GRIA4: variants seen among roughly 807,000 people sequenced by gnomAD.
The protein encoded by GRIA4 is glutamate ionotropic receptor AMPA type subunit 4, also known as glutamate receptor 4.
Under a neutral mutation model 104.0 loss-of-function variants are expected in GRIA4, and 34 were observed. The observed-to-expected ratio is 0.33, with a 90% CI of 0.25 to 0.44. The LOEUF (loss-of-function observed/expected upper bound fraction) is 0.44, where lower values mean the gene tolerates loss of function less well. Ranked by LOEUF, GRIA4 falls within the 20% of genes least tolerant of loss-of-function variation. The pLI, the probability that GRIA4 is intolerant of heterozygous loss-of-function variation, is 1.00. For missense variants in GRIA4, 750 were observed against 1,096.5 expected (o/e 0.68, Z 4.46); for synonymous variants, 386 against 381.9 (o/e 1.01, Z -0.13).
chr11:105,929,668 C>G (rs1212285864), intron 13 of GRIA4, among the ~76,000 whole-genome samples: 3 of 152,034 alleles, frequency 2.0e-5, no homozygotes, highest in Non-Finnish European at 4.4e-5. Context: ...TATGATATTA[C>G]CAAATAATGC....
At chr11:105,780,975 C>G (rs1941702714) in intron 4 of GRIA4, among the ~76,000 whole-genome samples, 1 of 152,162 alleles carries the variant, frequency 6.6e-6, no homozygotes, top group South Asian at 2.1e-4. Flanking sequence ...CATTCAACCT[C>G]TAGCTCATGT....
intron 16 of GRIA4, 109 bp from the exon 17 acceptor site, chr11:105,979,466 C>A: frequency 4.2e-6 from 4 of 954,166 alleles, no homozygotes; most frequent in Non-Finnish European, 6.4e-6. Context: ...GGAAAAAATG[C>A]AGATGTCTAA....
chr11:105,869,615 CAT>C (rs1393052679), intron 5 of GRIA4, among the ~76,000 whole-genome samples: 1 of 152,060 alleles, frequency 6.6e-6, no homozygotes, highest in Non-Finnish European at 1.5e-5. Flanking sequence ...GGCAGCAAAA[CAT>C]TCAACAGTAC....
chr11:105,811,266 C>T (rs533689725), intron 4 of GRIA4, among the ~76,000 whole-genome samples: 2 of 152,256 alleles, frequency 1.3e-5, no homozygotes, highest in East Asian at 3.9e-4. Context: ...TTTCAGATGT[C>T]CTTCACCAGT....
intron 14 of GRIA4, among the ~76,000 whole-genome samples, chr11:105,964,461 G>A (rs2136270218): frequency 6.6e-6 from 1 of 152,192 alleles, no homozygotes; most frequent in Non-Finnish European, 1.5e-5. Context: ...GCTAATTAGT[G>A]GTAAAATATG....
chr11:105,779,877 A>T (rs1215481951), intron 4 of GRIA4, among the ~76,000 whole-genome samples: 1 of 151,944 alleles, frequency 6.6e-6, no homozygotes, highest in African/African-American at 2.4e-5. Context: ...TCTCACATAT[A>T]TAGATTATTA....
chr11:105,645,093 G>A (rs1438204807), intron 3 of GRIA4, among the ~76,000 whole-genome samples: 1 of 152,134 alleles, frequency 6.6e-6, no homozygotes, highest in Non-Finnish European at 1.5e-5. Flanking sequence ...TTCTATTTTG[G>A]TTTGCAGATG....
At chr11:105,757,668 A>G (rs1940392126) in intron 4 of GRIA4, among the ~76,000 whole-genome samples, 1 of 151,976 alleles carries the variant, frequency 6.6e-6, no homozygotes, top group Non-Finnish European at 1.5e-5. Flanking sequence ...ATCACTTACT[A>G]GCTTCTGGAC....
Position 105,653,609 on chromosome 11 carries a change from C to T in GRIA4, c.247+41175C>T, listed in dbSNP as rs1591507659. Among the ~76,000 whole-genome samples the T allele has an allele frequency of 3.3e-5, 5 of 152,096 alleles. No homozygotes were observed. In the East Asian group the frequency reaches 7.7e-4, roughly 23 times the overall value. On this transcript the variant is annotated intron_variant, in intron 3 of 16. Coordinates refer to ENST00000282499, the MANE Select transcript of GRIA4 (RefSeq NM_000829.4). Reference sequence around the variant, plus strand: ...CAAAAAGTTAAGCCTCAGATAAGGACGGACTGTTGTACTGGCCAACCAATA... The same window carrying T: ...CAAAAAGTTAAGCCTCAGATAAGGATGGACTGTTGTACTGGCCAACCAATA...
chr11:105,863,562 T>C (rs1056274925), intron 5 of GRIA4, among the ~76,000 whole-genome samples: 4 of 152,038 alleles, frequency 2.6e-5, no homozygotes, highest in African/African-American at 9.7e-5. Flanking sequence ...CCAAGAAAAA[T>C]CTTTCTTCTT....
intron 13 of GRIA4, among the ~76,000 whole-genome samples, chr11:105,928,625 G>A (rs1947786000): frequency 6.6e-6 from 1 of 151,908 alleles, no homozygotes; most frequent in South Asian, 2.1e-4. Flanking sequence ...ATACAAGTTT[G>A]TGCTATCATT....
intron 3 of GRIA4, among the ~76,000 whole-genome samples, chr11:105,669,607 C>T (rs1952295465): frequency 6.6e-6 from 1 of 152,024 alleles, no homozygotes; most frequent in African/African-American, 2.4e-5. Context: ...TGTTGTAATC[C>T]TCTATCACAC....
chr11:105,826,663 T>A (rs1000742201), intron 4 of GRIA4, among the ~76,000 whole-genome samples: 1 of 152,044 alleles, frequency 6.6e-6, no homozygotes, highest in Non-Finnish European at 1.5e-5. Flanking sequence ...TGATTTGGTT[T>A]CGGAAGTCAC....
In GRIA4 at chr11:105,979,981, G is replaced by A; in HGVS notation, c.*242G>A. Reference sequence around the variant, plus strand: ...AATTGAGGTTTTTTTCGGGGAGTGGGTGGGGGAGGGATCTGGGATGGGTGT... The same window carrying A: ...AATTGAGGTTTTTTTCGGGGAGTGGATGGGGGAGGGATCTGGGATGGGTGT... On this transcript the variant is annotated 3_prime_UTR_variant, in exon 17 of 17. Transcript: ENST00000282499. The A allele has an allele frequency of 2.5e-6, 1 of 401,650 alleles. No individual in the cohort carries two copies. Among genetic ancestry groups the A allele is most frequent in the Non-Finnish European group, 4.6e-6 (1 of 218,114 alleles). 24.9% of individuals were successfully genotyped at this position (401,650 alleles called of 1,614,324 possible). A position where few individuals can be genotyped will look rare whatever the true frequency, so the allele number is the denominator to read the frequency against.
chr11:105,918,874 G>C lies in GRIA4; in HGVS notation c.1432G>C (p.Asp478His). ...PDGKYGARDA[D>H]TKIWNGMVGE... is the part of the protein sequence containing the mutation. ...TGGAAAATATGGAGCAAGGGATGCA[G>C]ACACAAAAATCTGGAATGGGATGGT... Residue 478 changes from aspartate (D) to histidine (H), a missense_variant, in exon 11 of 17, where the codon GAC becomes CAC. Coordinates refer to ENST00000282499, the MANE Select transcript of GRIA4 (RefSeq NM_000829.4). 9 of 1,611,706 alleles carry C rather than the reference G, an allele frequency of 5.6e-6. No homozygotes were observed. Among genetic ancestry groups the C allele is most frequent in the African/African-American group, 1.3e-5 (1 of 74,974 alleles).
Position 105,895,069 on chromosome 11 carries a change from G to C in GRIA4, c.727-3200G>C, listed in dbSNP as rs1440816266. ...CCGCCTCGGCCTCCCAAAGTGCTGG[G>C]ATTACAGGCGTGAGCCACCGCGCCC... On this transcript the variant is annotated intron_variant, in intron 6 of 16. Transcript: ENST00000282499. Among the ~76,000 whole-genome samples the C allele has an allele frequency of 1.9e-5, 2 of 102,876 alleles. 1 individual carries two copies. The highest frequency in any genetic ancestry group is 4.2e-5 in the Non-Finnish European group (2 of 47,506). The allele number at this position is 102,876 out of a possible 152,430, so 67.5% of individuals were successfully genotyped here.
At chr11:105,881,771 G>A (rs1048598242) in intron 5 of GRIA4, among the ~76,000 whole-genome samples, 3 of 151,968 alleles carry the variant, frequency 2.0e-5, no homozygotes, top group African/African-American at 4.8e-5. Flanking sequence ...ACGTGCATTG[G>A]TGTATCATTT....
intron 14 of GRIA4, among the ~76,000 whole-genome samples, chr11:105,961,042 G>C (rs569709030): frequency 6.6e-6 from 1 of 152,246 alleles, no homozygotes; most frequent in South Asian, 2.1e-4. Flanking sequence ...GAACGCCACA[G>C]CTTCCAGTCA....
chr11:105,973,424 C>T (rs1465247073), intron 15 of GRIA4, among the ~76,000 whole-genome samples: 5 of 151,818 alleles, frequency 3.3e-5, no homozygotes, highest in Non-Finnish European at 7.4e-5. Flanking sequence ...AAGAGTAGGA[C>T]TTAGGGATTA....
Sources: gnomAD v4.1 joint callset for allele counts (sites outside exome capture counted in the v4.1 genomes callset) on GRCh38, gnomAD v4.1.1 for gene constraint, MANE v1.5 for transcripts, NCBI Gene and HGNC (gene_info 2026-07-23, HGNC 2026-07-21) for gene names.